Variants in CPNE7 observed in about 807,000 individuals in gnomAD.
CPNE7 encodes copine-7.
In CPNE7, 78 loss-of-function variants were observed where a neutral mutation model predicts 66.5. That is an observed-to-expected ratio of 1.17 (90% CI 0.98 to 1.42). The LOEUF is 1.42. CPNE7 is among the 40% of genes most tolerant of loss of function. The pLI is 0.00. For missense variants in CPNE7, 1,012 were observed against 776.6 expected, an observed-to-expected ratio of 1.30 and a Z score of -3.60; for synonymous variants, 468 against 336.7, an observed-to-expected ratio of 1.39 and a Z score of -4.27.
chr16:89,590,770 G>C (rs2059154114), intron 11 of CPNE7, among the ~76,000 whole-genome samples: 1 of 91,244 alleles, frequency 1.1e-5, no homozygotes, highest in Non-Finnish European at 2.4e-5. Flanking sequence ...GCTGACTGGG[G>C]GACATGGGGG....
chr16:89,584,008 C>T lies in CPNE7; in HGVS notation c.433-20C>T. On this transcript the variant is annotated intron_variant, in intron 3 of 14. Transcript: ENST00000319518. The surrounding 1 kb of genome is among the most constrained non-coding windows in gnomAD (Gnocchi z 6.0). ...AGGCCCCACCTGGCCAAGCCTGGAG[C>T]CCGGGCGTCCCCCTGCCAGGTGATC... is the stretch of plus-strand genomic sequence containing the variant. The T allele has an allele frequency of 1.2e-6, 2 of 1,611,262 alleles. No homozygotes were observed. The highest frequency in any genetic ancestry group is 4.5e-5 in the East Asian group (2 of 44,854).
At chr16:89,579,942 C>A (rs1240402974) in intron 2 of CPNE7, among the ~76,000 whole-genome samples, 1 of 55,288 alleles carries the variant, frequency 1.8e-5, no homozygotes, top group African/African-American at 4.6e-5. Context: ...CAGAACATCT[C>A]ACCCGTCACA....
At chr16:89,594,668 T>TG (rs1567967848) in intron 13 of CPNE7, among the ~76,000 whole-genome samples, 1 of 121,812 alleles carries the variant, frequency 8.2e-6, no homozygotes. Context: ...TTTTTTTTTT[T>TG]TTTGGAGACA....
chr16:89,587,763 GTCACCCACAGAAACACGGCCCC>G, intron 9 of CPNE7: 1 of 59,832 alleles, frequency 1.7e-5, no homozygotes, highest in South Asian at 1.5e-4. Flanking sequence ...TCACCCGCGT[GTCACCCACAGAAACACGGCCCC>G]CGTGTCACCC....
Position 89,585,550 on chromosome 16 carries a change from A to G in CPNE7, c.678A>G (p.Leu226=), listed in dbSNP as rs138283447. The G allele has an allele frequency of 2.4e-3, 3,938 of 1,609,742 alleles. 7 individuals carry two copies. The highest frequency in any genetic ancestry group is 3.2e-3 in the Non-Finnish European group (3,714 of 1,178,086). Residue 226 remains leucine (L), a synonymous_variant, in exon 6 of 15, where the codon CTA becomes CTG. Coordinates refer to ENST00000319518, the MANE Select transcript of CPNE7 (RefSeq NM_153636.3). ...GCAGCTGCGAGGAGACAAGGCCTCTAAAGGTGGGGGACGGGATGGACCAAG... is the reference window on the plus strand; with the variant it reads ...GCAGCTGCGAGGAGACAAGGCCTCTGAAGGTGGGGGACGGGATGGACCAAG... ...SLCSCEETRP[L]KCLVWDYDSR...
chr16:89,596,032 A>G (rs2059250384), intron 14 of CPNE7: 1 of 465,082 alleles, frequency 2.2e-6, no homozygotes, highest in Non-Finnish European at 4.2e-6. Context: ...CATGTCACAC[A>G]TGAGGCCCTA....
At chr16:89,576,136 G>A (rs957452263) in intron 1 of CPNE7, 65 bp downstream of exon 1, 11 of 1,215,838 alleles carry the variant, frequency 9.0e-6, no homozygotes, top group African/African-American at 4.7e-5. Flanking sequence ...CTGGGGATGC[G>A]GAGACCAGAG....
In CPNE7 at chr16:89,596,673, C is replaced by G. The variant is rs1475997544; in HGVS notation, c.*52C>G. On this transcript the variant is annotated 3_prime_UTR_variant, in exon 15 of 15. Transcript: ENST00000319518. ...AGTGAGGAATGGGTCCGTACAGCCT[C>G]TGTCTGCAACATGCTTGGGGTCCCT... 6.7e-7 allele frequency: 1 copy of G among 1,495,802 alleles called. No homozygotes were observed. The highest frequency in any genetic ancestry group is 2.4e-5 in the East Asian group (1 of 40,832). 92.7% of individuals were successfully genotyped at this position (1,495,802 alleles called of 1,614,324 possible).
At chr16:89,587,448 C>G in intron 9 of CPNE7, 2 of 414,768 alleles carry the variant, frequency 4.8e-6, no homozygotes, top group South Asian at 1.7e-5. Flanking sequence ...GGGGTCCTCC[C>G]TTTTGCGCAG....
chr16:89,582,161 G>A (rs2058966880), intron 2 of CPNE7, among the ~76,000 whole-genome samples: 1 of 152,348 alleles, frequency 6.6e-6, no homozygotes, highest in South Asian at 2.1e-4. Flanking sequence ...CAGCTGACCT[G>A]CAGGGCACCA....
Position 89,595,953 on chromosome 16 carries a change from A to G in CPNE7, c.1539+350A>G, listed in dbSNP as rs147944960. ...AGGTTCTACCCGCCGAGACACACAC[A>G]GCACACACGTGAGGTTCTACCCGGT... On this transcript the variant is annotated intron_variant, in intron 14 of 14. Coordinates refer to ENST00000319518, the MANE Select transcript of CPNE7 (RefSeq NM_153636.3). 343 of 519,460 alleles carry G rather than the reference A, an allele frequency of 6.6e-4. 1 individual carries two copies. The highest frequency in any genetic ancestry group is 5.4e-3 in the African/African-American group (281 of 52,230). 32.2% of individuals were successfully genotyped at this position (519,460 alleles called of 1,614,324 possible). A position where few individuals can be genotyped will look rare whatever the true frequency, so the allele number is the denominator to read the frequency against.
chr16:89,582,729 T>C (rs530659157), intron 2 of CPNE7, among the ~76,000 whole-genome samples: 1 of 152,166 alleles, frequency 6.6e-6, no homozygotes, highest in Non-Finnish European at 1.5e-5. Context: ...CCGGCCCTGG[T>C]TGGGGGTGGA....
intron 13 of CPNE7, 36 bp from the exon 14 acceptor site, chr16:89,595,331 G>C (rs766430334): frequency 1.3e-6 from 2 of 1,513,910 alleles, no homozygotes; most frequent in East Asian, 4.6e-5. Flanking sequence ...GGCCATGGCA[G>C]GTGTGGTGTT....
Position 89,596,769 on chromosome 16 carries a change from G to C in CPNE7, c.*148G>C, listed in dbSNP as rs1272890430. The stretch of plus-strand genomic sequence containing the variant: ...CCACTCCCAGTCCTCCTGGGATCCT[G>C]CTGGCTTGGGCCCGGCTCTGGGGCC... On this transcript the variant is annotated 3_prime_UTR_variant, in exon 15 of 15. Transcript: ENST00000319518. The C allele has an allele frequency of 1.9e-6, 2 of 1,079,156 alleles. No homozygotes were observed. Among genetic ancestry groups the C allele is most frequent in the East Asian group, 6.2e-5 (2 of 32,096 alleles). 66.8% of individuals were successfully genotyped at this position (1,079,156 alleles called of 1,614,324 possible). A position where few individuals can be genotyped will look rare whatever the true frequency, so the allele number is the denominator to read the frequency against.
rs766536536 is a variant in CPNE7, at chr16:89,587,067, G to A, written c.892G>A (p.Asp298Asn). ...LKFHRVYSFL[D>N]YIMGGCQIHF... ...GTTCCACAGGGTGTACTCCTTCCTG[G>A]ACTATATCATGGGCGGCTGCCAGAT... The change falls in exon 9 of 15, where the codon GAC (aspartate) becomes AAC (asparagine). Residue 298 changes from aspartate to asparagine, a missense_variant. Physicochemically the swap from Asp to Asn is conservative, Grantham distance 23. Transcript: ENST00000319518. 1.2e-5 allele frequency: 19 copies of A among 1,579,536 alleles called. No individual in the cohort carries two copies. Among genetic ancestry groups the A allele is most frequent in the Non-Finnish European group, 1.4e-5 (16 of 1,162,796 alleles).
At chr16:89,583,948 C>T in intron 3 of CPNE7, 80 bp from the exon 4 acceptor site, 1 of 1,555,396 alleles carries the variant, frequency 6.4e-7, no homozygotes, top group Non-Finnish European at 8.8e-7. Context: ...GTGGGGTCAG[C>T]CAGCCTGGGG....
Position 89,592,700 on chromosome 16 carries a change from C to A in CPNE7, c.1302+1440C>A, listed in dbSNP as rs940805781. Among the ~76,000 whole-genome samples, 24 of 151,424 alleles carry A rather than the reference C, an allele frequency of 1.6e-4. 1 individual carries two copies. The highest frequency in any genetic ancestry group is 5.6e-4 in the African/African-American group (23 of 41,232). ...CTTGTGATCCACCCGCCTCGGCCTC[C>A]CAAAGTGCTGGGATTACAGGAGTGA... On this transcript the variant is annotated intron_variant, in intron 13 of 14. Transcript: ENST00000319518.
chr16:89,591,845 CG>C (rs2059175319), intron 13 of CPNE7, among the ~76,000 whole-genome samples: 1 of 151,692 alleles, frequency 6.6e-6, no homozygotes, highest in African/African-American at 2.4e-5. Flanking sequence ...GGACTACAGG[CG>C]CCCGCCACCA....
rs947891332 is a variant in CPNE7 at position 89,584,773 on chromosome 16, G to A, written c.508-1G>A. ...CCAGCAGCCCTTGTGCCTCTCCCCA[G>A]GACCTCTTCAGCAAGTCCGACCCCT... is the stretch of plus-strand genomic sequence containing the variant. On this transcript the variant is annotated splice_acceptor_variant, in intron 4 of 14. Transcript: ENST00000319518. LOFTEE classifies it high-confidence loss of function. The surrounding 1 kb of genome is among the most constrained non-coding windows in gnomAD (Gnocchi z 6.0). 6.8e-6 allele frequency: 11 copies of A among 1,612,030 alleles called. No individual in the cohort carries two copies. Among genetic ancestry groups the A allele is most frequent in the Non-Finnish European group, 9.3e-6 (11 of 1,178,996 alleles).
Sources: gnomAD v4.1 joint callset for allele counts (sites outside exome capture counted in the v4.1 genomes callset) on GRCh38, gnomAD v4.1.1 for gene constraint, Gnocchi (gnomAD v3.1) non-coding constraint, MANE v1.5 for transcripts, NCBI Gene and HGNC (gene_info 2026-07-23, HGNC 2026-07-21) for gene names.